The following LEKR1 variants were observed in gnomAD, a reference collection of about 807,000 sequenced individuals.
LEKR1 encodes protein LEKR1.
A neutral mutation model predicts 72.4 loss-of-function variants in LEKR1; 59 were observed. The ratio of observed to expected loss-of-function variants is 0.82; its 90% CI spans 0.66 to 1.01. LEKR1 has a LOEUF of 1.01. Among genes scored for constraint, LEKR1 ranks in the 50% least tolerant of loss-of-function variants. LEKR1 has a pLI of 0.00. For synonymous variants in LEKR1, 257 were observed against 263.2 expected (o/e 0.98, Z 0.23); for missense variants, 728 against 759.2 (o/e 0.96, Z 0.48).
intron 4 of LEKR1, chr3:156,924,357 T>A: frequency 2.4e-6 from 1 of 415,558 alleles, no homozygotes; most frequent in Non-Finnish European, 4.2e-6. Flanking sequence ...CTTTCTATAT[T>A]CTGGGTATAA....
intron 2 of LEKR1, among the ~76,000 whole-genome samples, chr3:156,835,557 G>A (rs1007235171): frequency 5.3e-5 from 8 of 152,164 alleles, no homozygotes; most frequent in African/African-American, 1.7e-4. Context: ...AGGCTACTGG[G>A]CAACCCAAAG....
chr3:156,944,573 C>A (rs1157367621), intron 6 of LEKR1, among the ~76,000 whole-genome samples: 6 of 151,694 alleles, frequency 4.0e-5, no homozygotes, highest in Non-Finnish European at 7.4e-5. Context: ...CCTGCCCCAT[C>A]ACCCTTCCCA....
intron 2 of LEKR1, among the ~76,000 whole-genome samples, chr3:156,850,351 G>A (rs1030311440): frequency 6.6e-6 from 1 of 152,066 alleles, no homozygotes; most frequent in African/African-American, 2.4e-5. Context: ...GAAAGTATTG[G>A]TCGCAAGGAA....
At chr3:156,996,591 C>G (rs1731590517) in intron 9 of LEKR1, among the ~76,000 whole-genome samples, 1 of 152,116 alleles carries the variant, frequency 6.6e-6, no homozygotes, top group Admixed American at 6.6e-5. Flanking sequence ...GCAATGGGAG[C>G]AAGTCAGGAC....
chr3:156,945,771 ATTGT>A (rs1726622109), intron 6 of LEKR1, among the ~76,000 whole-genome samples: 1 of 151,188 alleles, frequency 6.6e-6, no homozygotes, highest in Non-Finnish European at 1.5e-5. Flanking sequence ...GATGCATGAA[ATTGT>A]TTGTATGTTT....
chr3:156,921,496 C>A (rs1284614889), intron 4 of LEKR1, among the ~76,000 whole-genome samples: 2 of 152,122 alleles, frequency 1.3e-5, no homozygotes, highest in East Asian at 3.8e-4. Flanking sequence ...ATGCTTTGCA[C>A]ATAACTGATG....
At chr3:156,988,155 C>A in intron 7 of LEKR1, 1 of 173,658 alleles carries the variant, frequency 5.8e-6, no homozygotes, top group East Asian at 1.5e-4. Context: ...AGGTCTACCT[C>A]CATGCCTGCA....
intron 3 of LEKR1, among the ~76,000 whole-genome samples, chr3:156,894,300 A>T (rs1482678195): frequency 6.6e-6 from 1 of 152,240 alleles, no homozygotes; most frequent in Non-Finnish European, 1.5e-5. Context: ...AATAAAAGTG[A>T]TCACATACAA....
chr3:157,019,984 A>T (rs1019645409), intron 10 of LEKR1, among the ~76,000 whole-genome samples: 1 of 152,164 alleles, frequency 6.6e-6, no homozygotes, highest in African/African-American at 2.4e-5. Context: ...TTTTTCTCAG[A>T]TTGTGCAAAT....
At chr3:156,971,998 C>G (rs926973156) in intron 6 of LEKR1, among the ~76,000 whole-genome samples, 1 of 152,060 alleles carries the variant, frequency 6.6e-6, no homozygotes, top group African/African-American at 2.4e-5. Context: ...TGGGTACATA[C>G]TGAAAGGATT....
At chr3:156,942,823 G>T (rs1726342681) in intron 6 of LEKR1, 109 bp downstream of exon 6, 2 of 437,064 alleles carry the variant, frequency 4.6e-6, no homozygotes, top group Non-Finnish European at 7.6e-6. Flanking sequence ...ATTATTTTGA[G>T]TTGCAAATAT....
At chr3:156,844,224 A>G (rs1364229099) in intron 2 of LEKR1, among the ~76,000 whole-genome samples, 1 of 152,136 alleles carries the variant, frequency 6.6e-6, no homozygotes. Context: ...ACATGTCTTT[A>G]TGGATGAATC....
At chr3:156,966,075 T>C (rs1728549062) in intron 6 of LEKR1, among the ~76,000 whole-genome samples, 1 of 152,024 alleles carries the variant, frequency 6.6e-6, no homozygotes, top group South Asian at 2.1e-4. Context: ...AATTAACTAA[T>C]GTAACTAAAT....
intron 2 of LEKR1, among the ~76,000 whole-genome samples, chr3:156,836,786 G>C (rs1175715547): frequency 1.3e-5 from 2 of 152,202 alleles, no homozygotes; most frequent in African/African-American, 4.8e-5. Flanking sequence ...TGTCCATGGA[G>C]AAGAAAAGAA....
intron 6 of LEKR1, among the ~76,000 whole-genome samples, chr3:156,968,404 A>G (rs1436898022): frequency 6.6e-6 from 1 of 152,228 alleles, no homozygotes; most frequent in Non-Finnish European, 1.5e-5. Flanking sequence ...AGACACACAT[A>G]GGCTCAAAAT....
intron 6 of LEKR1, among the ~76,000 whole-genome samples, chr3:156,950,826 GTTC>G (rs1727089195): frequency 1.3e-5 from 2 of 151,446 alleles, no homozygotes; most frequent in South Asian, 4.1e-4. Flanking sequence ...GATGGTTTGA[GTTC>G]TTCTTAACCT....
At chr3:156,963,512 C>A (rs1728301985) in intron 6 of LEKR1, among the ~76,000 whole-genome samples, 1 of 152,160 alleles carries the variant, frequency 6.6e-6, no homozygotes, top group African/African-American at 2.4e-5. Context: ...TACTCCCACC[C>A]TCTTGCCCAA....
At chr3:157,020,270 A>G (rs1295649240) in intron 10 of LEKR1, among the ~76,000 whole-genome samples, 1 of 146,702 alleles carries the variant, frequency 6.8e-6, no homozygotes, top group African/African-American at 2.5e-5. Context: ...TATTATTATT[A>G]TTATTATTAT....
At chr3:156,958,717 C>G (rs1254543333) in intron 6 of LEKR1, among the ~76,000 whole-genome samples, 1 of 152,150 alleles carries the variant, frequency 6.6e-6, no homozygotes, top group Non-Finnish European at 1.5e-5. Flanking sequence ...CGGGCCTTCT[C>G]TTCACCTTGA....
Sources: gnomAD v4.1 joint callset for allele counts (sites outside exome capture counted in the v4.1 genomes callset) on GRCh38, gnomAD v4.1.1 for gene constraint, MANE v1.5 for transcripts, NCBI Gene and HGNC (gene_info 2026-07-23, HGNC 2026-07-21) for gene names.